The following POLA1 variants were observed in gnomAD, a reference collection of about 807,000 sequenced individuals.
POLA1 encodes the protein DNA polymerase alpha catalytic subunit.
In POLA1, 15 loss-of-function variants were observed where a neutral mutation model predicts 124.0. The observed-to-expected ratio is 0.12, with a 90% CI of 0.08 to 0.19. The LOEUF is 0.19. POLA1 is among the 10% of genes least tolerant of loss of function. POLA1 has a pLI of 1.00. For missense variants in POLA1, 886 were observed against 1,103.4 expected (o/e 0.80, Z 2.79); for synonymous variants, 408 against 389.4 (o/e 1.05, Z -0.56).
At chrX:24,704,595 C>T (rs1049921239) in intron 4 of POLA1, 126 bp downstream of exon 4, 24 of 475,067 alleles carry the variant, frequency 5.1e-5, no homozygotes, top group South Asian at 1.1e-4. Flanking sequence ...TTTTTAGATA[C>T]GGAATATGTT....
At chrX:24,995,753 G>C in intron 36 of POLA1, 52 bp from the exon 37 acceptor site, 1 of 1,068,869 alleles carries the variant, frequency 9.4e-7, no homozygotes, top group African/African-American at 1.8e-5. Flanking sequence ...AATACTGAAT[G>C]TTCTTTAAAG....
intron 35 of POLA1, among the ~76,000 whole-genome samples, chrX:24,894,784 TTTTC>T (rs1351852978): frequency 2.2e-4 from 24 of 106,746 alleles, no homozygotes; most frequent in African/African-American, 8.0e-4. Context: ...TTTTCTTTTC[TTTTC>T]TTTTTTTTTT....
chrX:24,912,321 G>A (rs1292621594), intron 35 of POLA1, among the ~76,000 whole-genome samples: 1 of 112,077 alleles, frequency 8.9e-6, no homozygotes, highest in Non-Finnish European at 1.9e-5. Flanking sequence ...AGTGTTCTTA[G>A]ACATGAAACT....
intron 26 of POLA1, among the ~76,000 whole-genome samples, chrX:24,794,058 C>A (rs920056374): frequency 1.8e-5 from 2 of 110,932 alleles, no homozygotes; most frequent in Non-Finnish European, 3.8e-5. Flanking sequence ...CTCACTGCAA[C>A]CTCCACCTCC....
At chrX:24,761,513 C>T (rs1444830441) in intron 26 of POLA1, among the ~76,000 whole-genome samples, 1 of 110,918 alleles carries the variant, frequency 9.0e-6, no homozygotes, top group African/African-American at 3.3e-5. Context: ...AAGGAATCAG[C>T]TCATGGGCTA....
intron 34 of POLA1, among the ~76,000 whole-genome samples, chrX:24,879,230 G>A (rs2046973365): frequency 9.0e-6 from 1 of 111,090 alleles, no homozygotes; most frequent in African/African-American, 3.3e-5. Context: ...AAGCACCAGA[G>A]TAACCATTTT....
At chrX:24,835,494 C>CT (rs928530151) in intron 32 of POLA1, among the ~76,000 whole-genome samples, 6 of 111,586 alleles carry the variant, frequency 5.4e-5, no homozygotes, top group East Asian at 2.8e-4. Flanking sequence ...TATGAATACA[C>CT]TTTTTTTAAA....
rs761892294 is a variant in POLA1, at chrX:24,788,801, C to T, written c.2965-21097C>T. On this transcript the variant is annotated intron_variant, in intron 26 of 36. Transcript: ENST00000379068. ...ATCATCTTTACTATCTGTAGCTCCA[C>T]TTCCTGTAGTGTCTTCCACATCGGC... The T allele has an allele frequency of 1.6e-5, 19 of 1,197,350 alleles. No homozygotes were observed. In the East Asian group the frequency reaches 5.6e-4, roughly 36 times the overall value.
chrX:24,842,450 A>G (rs2046422209), intron 33 of POLA1, among the ~76,000 whole-genome samples: 1 of 112,501 alleles, frequency 8.9e-6, no homozygotes, highest in South Asian at 3.6e-4. Context: ...TGTACTAGCC[A>G]TTGGCAAAGG....
At chrX:24,720,410 C>G (rs940717582) in intron 10 of POLA1, among the ~76,000 whole-genome samples, 3 of 112,043 alleles carry the variant, frequency 2.7e-5, no homozygotes, top group Non-Finnish European at 3.8e-5. Context: ...CAATGCCTTG[C>G]ACATAGTACG....
intron 10 of POLA1, among the ~76,000 whole-genome samples, chrX:24,721,099 A>G (rs186825436): frequency 1.9e-4 from 22 of 113,268 alleles, no homozygotes; most frequent in Non-Finnish European, 1.9e-5. Flanking sequence ...GGTACTGACC[A>G]TAGTCATGGA....
intron 35 of POLA1, among the ~76,000 whole-genome samples, chrX:24,896,759 G>A (rs1441291881): frequency 8.9e-6 from 1 of 112,179 alleles, no homozygotes; most frequent in African/African-American, 3.2e-5. Context: ...GACTTTTCAT[G>A]GCTGTTAAAG....
chrX:24,950,956 A>G (rs1185287334), intron 36 of POLA1, among the ~76,000 whole-genome samples: 1 of 112,139 alleles, frequency 8.9e-6, no homozygotes, highest in South Asian at 3.8e-4. Context: ...TTATCATTAA[A>G]TCCAAAATGA....
intron 32 of POLA1, among the ~76,000 whole-genome samples, chrX:24,827,627 T>C (rs1256076633): frequency 8.9e-6 from 1 of 112,447 alleles, no homozygotes; most frequent in Non-Finnish European, 1.9e-5. Flanking sequence ...AGCCATGGGC[T>C]TTGACAGCAT....
At chrX:24,919,808 G>GTTTTTTTTTTTTTTTTTTTTTTTTTTTTT (rs1195362180) in intron 35 of POLA1, among the ~76,000 whole-genome samples, 1 of 20,274 alleles carries the variant, frequency 4.9e-5, no homozygotes, top group African/African-American at 2.1e-4. Flanking sequence ...TTTTTTTTTT[G>GTTTTTTTTTTTTTTTTTTTTTTTTTTTTT]TTTTTTTTTT....
intron 35 of POLA1, among the ~76,000 whole-genome samples, chrX:24,917,999 A>T (rs920593114): frequency 3.6e-5 from 4 of 111,392 alleles, no homozygotes; most frequent in African/African-American, 1.3e-4. Flanking sequence ...GACTTGGTAG[A>T]ACCAGAATTT....
At position 24,717,422 on chromosome X, in the gene POLA1, A is replaced by G. The variant is rs1929920187; in HGVS notation, c.839A>G (p.Asp280Gly). 4 of 1,209,902 alleles carry G rather than the reference A, an allele frequency of 3.3e-6. No homozygotes were observed. The South Asian group carries it at 7.0e-5, about 21-fold the overall frequency. Residue 280 changes from aspartate to glycine, a missense_variant, in exon 9 of 37, where the codon GAC (aspartate) becomes GGC (glycine). By Grantham distance (94) the Asp-to-Gly change is moderately conservative. Around this residue, in one of 7 missense-constraint regions of POLA1, gnomAD observed 337 missense variants for 402.8 expected, o/e 0.84. Coordinates refer to ENST00000379068, the MANE Select transcript of POLA1 (RefSeq NM_001330360.2). ...GAGCCTATGGCTGCCAAGGCTTGGG[A>G]CAAAGAGAGTGAGCCAGCAGAGGAA... ...DLEPMAAKAW[D>G]KESEPAEEVK...
chrX:24,947,246 CTTTTTTTTTTTTTTTTTTTTTTTTT>C (rs764618354), intron 36 of POLA1, among the ~76,000 whole-genome samples: 11 of 21,624 alleles, frequency 5.1e-4, no homozygotes, highest in African/African-American at 1.4e-3. Context: ...CCTGCAGATT[CTTTTTTTTTTTTTTTTTTTTTTTTT>C]TTTTTTTTTT....
chrX:24,706,153 A>C (rs1928788639), intron 4 of POLA1, among the ~76,000 whole-genome samples: 1 of 112,225 alleles, frequency 8.9e-6, no homozygotes, highest in African/African-American at 3.2e-5. Context: ...CTTCAGACTC[A>C]TGTATTTCTA....
Sources: gnomAD v4.1 joint callset for allele counts (sites outside exome capture counted in the v4.1 genomes callset) on GRCh38, gnomAD v4.1.1 for gene constraint, gnomAD v4.1.1 regional missense constraint, MANE v1.5 for transcripts, NCBI Gene and HGNC (gene_info 2026-07-23, HGNC 2026-07-21) for gene names.